DLG2: variants seen among roughly 807,000 people sequenced by gnomAD.
DLG2 encodes disks large homolog 2.
DLG2 carries 45 observed loss-of-function variants against 132.5 expected under a neutral mutation model. That is an observed-to-expected ratio of 0.34 (90% CI 0.27 to 0.44). DLG2 has a LOEUF of 0.44. DLG2 is among the 20% of genes least tolerant of loss of function. The pLI, the probability that DLG2 is intolerant of heterozygous loss-of-function variation, is 1.00. For missense variants in DLG2, 1,045 were observed against 1,196.9 expected (o/e 0.87, Z 1.87); for synonymous variants, 424 against 419.6 (o/e 1.01, Z -0.13).
At chr11:84,619,425 C>G (rs2099610096) in intron 6 of DLG2, among the ~76,000 whole-genome samples, 2 of 151,646 alleles carry the variant, frequency 1.3e-5, no homozygotes, top group African/African-American at 4.8e-5. Flanking sequence ...GTCAATGTTA[C>G]ATCCCTCTGA....
chr11:85,480,043 G>T (rs1434984418), intron 3 of DLG2, among the ~76,000 whole-genome samples: 1 of 152,144 alleles, frequency 6.6e-6, no homozygotes, highest in Non-Finnish European at 1.5e-5. Context: ...CATGAATTTT[G>T]TGGGGGAGGG....
intron 6 of DLG2, among the ~76,000 whole-genome samples, chr11:85,062,420 AAGAG>A (rs766535312): frequency 1.1e-4 from 16 of 151,730 alleles, no homozygotes; most frequent in Non-Finnish European, 2.4e-4. Context: ...TACTTTGCCC[AAGAG>A]AGAGGGTTGT....
intron 6 of DLG2, among the ~76,000 whole-genome samples, chr11:84,675,533 T>C (rs2099710341): frequency 6.6e-6 from 1 of 152,106 alleles, no homozygotes; most frequent in South Asian, 2.1e-4. Flanking sequence ...TCATAAACCC[T>C]AGTGGCTCCT....
At chr11:85,042,298 G>T (rs2061943290) in intron 6 of DLG2, among the ~76,000 whole-genome samples, 1 of 151,934 alleles carries the variant, frequency 6.6e-6, no homozygotes, top group African/African-American at 2.4e-5. Context: ...GGCACAGCTT[G>T]AAATGAGAAA....
chr11:85,432,280 TACA>T (rs1442739777), intron 3 of DLG2, among the ~76,000 whole-genome samples: 2 of 152,092 alleles, frequency 1.3e-5, no homozygotes, highest in Non-Finnish European at 2.9e-5. Context: ...TCCAAATGAT[TACA>T]ACACCTCTCC....
At chr11:84,952,128 A>G (rs1376409527) in intron 6 of DLG2, among the ~76,000 whole-genome samples, 1 of 152,236 alleles carries the variant, frequency 6.6e-6, no homozygotes, top group East Asian at 1.9e-4. Flanking sequence ...AATTATGCTT[A>G]CTTCTTCCTG....
At chr11:83,999,891 A>T (rs903533768) in intron 11 of DLG2, among the ~76,000 whole-genome samples, 5 of 152,218 alleles carry the variant, frequency 3.3e-5, no homozygotes, top group African/African-American at 4.8e-5. Flanking sequence ...AAAGCAAATT[A>T]AAAAAATGAG....
chr11:85,225,136 C>T (rs775057082), intron 4 of DLG2, among the ~76,000 whole-genome samples: 9 of 151,888 alleles, frequency 5.9e-5, no homozygotes, highest in South Asian at 4.2e-4. Flanking sequence ...GAAAATAAAT[C>T]GAGCGGGAGA....
At chr11:84,978,876 C>T (rs1221691805) in intron 6 of DLG2, among the ~76,000 whole-genome samples, 4 of 152,052 alleles carry the variant, frequency 2.6e-5, no homozygotes, top group Admixed American at 6.6e-5. Context: ...AGTGAACAGG[C>T]AACCTACAGA....
chr11:83,678,779 C>A (rs1365088653), intron 18 of DLG2, among the ~76,000 whole-genome samples: 2 of 152,118 alleles, frequency 1.3e-5, no homozygotes, highest in African/African-American at 4.8e-5. Flanking sequence ...AAGGGTGGTA[C>A]TGATTTAGGG....
chr11:85,564,888 C>T (rs2077443939), intron 3 of DLG2, among the ~76,000 whole-genome samples: 1 of 151,930 alleles, frequency 6.6e-6, no homozygotes, highest in Non-Finnish European at 1.5e-5. Flanking sequence ...AAATATCTTT[C>T]TATTTATTCA....
chr11:85,158,987 A>AG (rs1189607218), intron 4 of DLG2, among the ~76,000 whole-genome samples: 2 of 152,292 alleles, frequency 1.3e-5, no homozygotes, highest in East Asian at 3.9e-4. Context: ...AATGAAGGGG[A>AG]GACCAGGTCC....
chr11:85,201,755 C>T (rs1232319114), intron 4 of DLG2, among the ~76,000 whole-genome samples: 1 of 148,544 alleles, frequency 6.7e-6, no homozygotes, highest in Non-Finnish European at 1.5e-5. Flanking sequence ...AAGTAAGGCA[C>T]TAGAGACCAA....
intron 14 of DLG2, among the ~76,000 whole-genome samples, chr11:83,959,629 T>C (rs2087937655): frequency 6.6e-6 from 1 of 152,058 alleles, no homozygotes; most frequent in Non-Finnish European, 1.5e-5. Flanking sequence ...AGATCCTTTA[T>C]AGCGAATCTA....
At chr11:84,590,803 T>C (rs971988596) in intron 6 of DLG2, among the ~76,000 whole-genome samples, 2 of 152,106 alleles carry the variant, frequency 1.3e-5, no homozygotes, top group Non-Finnish European at 2.9e-5. Context: ...CGCAAACTTT[T>C]GAAGGAGGAT....
At chr11:85,034,787 G>A (rs1197625075) in intron 6 of DLG2, among the ~76,000 whole-genome samples, 1 of 152,070 alleles carries the variant, frequency 6.6e-6, no homozygotes, top group African/African-American at 2.4e-5. Context: ...GAGGAGTAAT[G>A]TACTCCCATT....
chr11:83,985,974 T>C (rs562684798), intron 11 of DLG2, among the ~76,000 whole-genome samples: 116 of 152,254 alleles, frequency 7.6e-4, no homozygotes, highest in African/African-American at 2.8e-3. Context: ...CCATCAACAG[T>C]GTAAAAGCAT....
intron 18 of DLG2, among the ~76,000 whole-genome samples, chr11:83,655,482 G>C (rs1431939197): frequency 6.6e-6 from 1 of 152,148 alleles, no homozygotes; most frequent in Non-Finnish European, 1.5e-5. Flanking sequence ...TATTGGGTCA[G>C]CTGGGACATG....
chr11:83,858,077 G>T (rs1394801701), intron 16 of DLG2, among the ~76,000 whole-genome samples: 4 of 152,150 alleles, frequency 2.6e-5, no homozygotes, highest in Admixed American at 2.6e-4. Context: ...AAGGAGGGTG[G>T]TTAAGAGATG....
Sources: allele counts gnomAD v4.1 joint callset (sites outside exome capture counted in the v4.1 genomes callset), GRCh38; gene constraint gnomAD v4.1.1; transcripts MANE v1.5; gene names NCBI Gene and HGNC (gene_info 2026-07-23, HGNC 2026-07-21).